ATXN1: variants seen among roughly 807,000 people sequenced by gnomAD.
ATXN1 encodes ataxin-1.
In ATXN1, 8 loss-of-function variants were observed where a neutral mutation model predicts 56.4. The ratio of observed to expected loss-of-function variants is 0.14; its 90% CI spans 0.08 to 0.26. ATXN1 has a LOEUF of 0.26. Ranked by LOEUF, ATXN1 falls within the 10% of genes least tolerant of loss-of-function variation. ATXN1 has a pLI of 1.00. For missense variants in ATXN1, 987 were observed against 1,106.5 expected, an observed-to-expected ratio of 0.89 and a Z score of 1.53; for synonymous variants, 514 against 494.6, an observed-to-expected ratio of 1.04 and a Z score of -0.52.
At chr6:16,412,582 C>T (rs1447091347) in intron 6 of ATXN1, among the ~76,000 whole-genome samples, 1 of 152,190 alleles carries the variant, frequency 6.6e-6, no homozygotes, top group African/African-American at 2.4e-5. Flanking sequence ...GGCTCCCCCA[C>T]TTCAATGGAC....
At chr6:16,439,570 A>C (rs1320137433) in intron 6 of ATXN1, among the ~76,000 whole-genome samples, 1 of 152,018 alleles carries the variant, frequency 6.6e-6, no homozygotes, top group Non-Finnish European at 1.5e-5. Flanking sequence ...AATTTGGAAA[A>C]GATACGTGTA....
chr6:16,418,420 C>T (rs1398123544), intron 6 of ATXN1, among the ~76,000 whole-genome samples: 1 of 152,130 alleles, frequency 6.6e-6, no homozygotes, highest in Non-Finnish European at 1.5e-5. Context: ...AATGCTTAGC[C>T]TTTGGAATAA....
chr6:16,484,947 ATGTGTG>A (rs35749735), intron 6 of ATXN1, among the ~76,000 whole-genome samples: 1,460 of 126,038 alleles, frequency 0.012, 9 homozygotes, highest in Middle Eastern at 0.019. Context: ...CTAAATATAT[ATGTGTG>A]TGTGTGTGTG....
At chr6:16,693,320 T>C (rs1340985519) in intron 2 of ATXN1, among the ~76,000 whole-genome samples, 4 of 152,200 alleles carry the variant, frequency 2.6e-5, no homozygotes, top group African/African-American at 9.7e-5. Flanking sequence ...TGAGCTCCAC[T>C]GTCCTCATCT....
intron 6 of ATXN1, among the ~76,000 whole-genome samples, chr6:16,467,227 AT>A (rs919526767): frequency 5.9e-5 from 9 of 152,244 alleles, no homozygotes; most frequent in South Asian, 2.1e-4. Flanking sequence ...ATTTAAAAAA[AT>A]GTTATTGTTT....
chr6:16,356,766 C>A (rs528091650), intron 6 of ATXN1, among the ~76,000 whole-genome samples: 8 of 152,146 alleles, frequency 5.3e-5, no homozygotes, highest in African/African-American at 1.2e-4. Context: ...TTCTTTTGGA[C>A]CACGTTTCTT....
intron 3 of ATXN1, among the ~76,000 whole-genome samples, chr6:16,635,136 C>T (rs190329030): frequency 8.5e-5 from 13 of 152,196 alleles, no homozygotes; most frequent in African/African-American, 2.9e-4. Context: ...CTCATAGGAG[C>T]GTGAACCCTA....
At chr6:16,676,416 T>C (rs1161245441) in intron 2 of ATXN1, among the ~76,000 whole-genome samples, 8 of 152,206 alleles carry the variant, frequency 5.3e-5, no homozygotes, top group Non-Finnish European at 8.8e-5. Context: ...TAACAGCCTA[T>C]GAAAACCAAC....
chr6:16,319,992 G>A (rs112167822), intron 7 of ATXN1, among the ~76,000 whole-genome samples: 3,037 of 152,078 alleles, frequency 0.02, 85 homozygotes, highest in African/African-American at 0.067. Context: ...CAAATCCAGG[G>A]CTGGGCTCTG....
intron 2 of ATXN1, among the ~76,000 whole-genome samples, chr6:16,675,786 G>A (rs1758649424): frequency 6.6e-6 from 1 of 152,166 alleles, no homozygotes; most frequent in Non-Finnish European, 1.5e-5. Context: ...CGACTCGGGA[G>A]GCTGAGGCAG....
intron 2 of ATXN1, among the ~76,000 whole-genome samples, chr6:16,713,208 A>G (rs765123270): frequency 3.3e-5 from 5 of 152,222 alleles, no homozygotes; most frequent in East Asian, 1.9e-4. Flanking sequence ...TGTCCAAACT[A>G]TCTGAATCTA....
At position 16,326,200 on chromosome 6, in the gene ATXN1, T is replaced by C. The variant is rs955482805; in HGVS notation, c.1917+194A>G. 3.9e-5 allele frequency among the ~76,000 whole-genome samples: 6 copies of C among 152,136 alleles called. No individual in the cohort carries two copies. The highest frequency in any genetic ancestry group is 2.4e-5 in the African/African-American group (1 of 41,416). On this transcript the variant is annotated intron_variant, in intron 7 of 7. Transcript: ENST00000436367. This position sits in a 1 kb window ranked among gnomAD's most constrained non-coding sequence, Gnocchi z 6.6. ...CTCTCCATGCATGGAGGTTAATTCA[T>C]TACACACAGCAGAGATCACGGGGAA... is the stretch of plus-strand genomic sequence containing the variant.
chr6:16,557,581 T>G (rs1420175363), intron 4 of ATXN1, among the ~76,000 whole-genome samples: 1 of 151,884 alleles, frequency 6.6e-6, no homozygotes, highest in Non-Finnish European at 1.5e-5. Flanking sequence ...TAAAAAGAAA[T>G]AAGAAAAGAA....
At chr6:16,321,882 T>A (rs975164384) in intron 7 of ATXN1, among the ~76,000 whole-genome samples, 1 of 152,138 alleles carries the variant, frequency 6.6e-6, no homozygotes, top group Non-Finnish European at 1.5e-5. Context: ...AGTATAAAAG[T>A]GAAGCATTAA....
intron 2 of ATXN1, among the ~76,000 whole-genome samples, chr6:16,708,623 C>T (rs1301235324): frequency 6.6e-6 from 1 of 151,988 alleles, no homozygotes; most frequent in Admixed American, 6.6e-5. Context: ...GTTAAAGGGT[C>T]ATTTCATAAT....
At chr6:16,433,746 G>T (rs1413504765) in intron 6 of ATXN1, among the ~76,000 whole-genome samples, 1 of 152,190 alleles carries the variant, frequency 6.6e-6, no homozygotes, top group Non-Finnish European at 1.5e-5. Flanking sequence ...AGTAAGAAAA[G>T]TGCTCAAAGG....
At chr6:16,702,917 G>C (rs544557865) in intron 2 of ATXN1, among the ~76,000 whole-genome samples, 215 of 152,280 alleles carry the variant, frequency 1.4e-3, no homozygotes, top group Non-Finnish European at 2.4e-3. Context: ...GTGGAAGTCA[G>C]TGTGGCGATT....
intron 2 of ATXN1, among the ~76,000 whole-genome samples, chr6:16,661,170 T>G (rs1280963852): frequency 6.6e-6 from 1 of 152,062 alleles, no homozygotes; most frequent in African/African-American, 2.4e-5. Flanking sequence ...TAAATAGTGC[T>G]GGGAAACCTG....
At chr6:16,606,879 G>GTGTGTGTGTGTGTGTGTGTGTGTGTGTC (rs1763018964) in intron 3 of ATXN1, among the ~76,000 whole-genome samples, 1 of 150,330 alleles carries the variant, frequency 6.7e-6, no homozygotes, top group African/African-American at 2.4e-5. Context: ...GTGTGTGTGT[G>GTGTGTGTGTGTGTGTGTGTGTGTGTGTC]TGTGTGTGTT....
Sources: allele counts gnomAD v4.1 joint callset (sites outside exome capture counted in the v4.1 genomes callset), GRCh38; gene constraint gnomAD v4.1.1; non-coding constraint Gnocchi (gnomAD v3.1); transcripts MANE v1.5; gene names NCBI Gene and HGNC (gene_info 2026-07-23, HGNC 2026-07-21).